PAK3: variants seen among roughly 807,000 people sequenced by gnomAD.
The protein encoded by PAK3 is p21 (RAC1) activated kinase 3, also known as serine/threonine-protein kinase PAK 3.
A neutral mutation model predicts 41.0 loss-of-function variants in PAK3; 4 were observed. That is an observed-to-expected ratio of 0.10 (90% CI 0.05 to 0.22). The LOEUF (loss-of-function observed/expected upper bound fraction) is 0.22. PAK3 is among the 10% of genes least tolerant of loss of function. PAK3 has a pLI of 1.00. For missense variants in PAK3, 205 were observed against 409.9 expected (o/e 0.50, Z 4.32); for synonymous variants, 146 against 139.6 (o/e 1.05, Z -0.32).
At chrX:111,184,021 T>C (rs1243523286) in intron 11 of PAK3, among the ~76,000 whole-genome samples, 2 of 111,682 alleles carry the variant, frequency 1.8e-5, no homozygotes, top group Non-Finnish European at 3.8e-5. Flanking sequence ...TGCTATGTTA[T>C]CATGGGCCTA....
At chrX:111,148,283 A>T (rs73264383) in intron 7 of PAK3, among the ~76,000 whole-genome samples, 4,053 of 111,798 alleles carry the variant, frequency 0.036, 74 homozygotes, top group African/African-American at 0.059. Context: ...TTACACCATG[A>T]TGACACAGCA....
At chrX:111,144,892 G>T (rs774856106) in intron 6 of PAK3, 1 of 1,144,170 alleles carries the variant, frequency 8.7e-7, no homozygotes, top group Non-Finnish European at 1.2e-6. Context: ...GACCTGTGAC[G>T]GTCGCTTCAA....
At chrX:110,947,979 A>G (rs1170707850) in intron 1 of PAK3, among the ~76,000 whole-genome samples, 1 of 112,284 alleles carries the variant, frequency 8.9e-6, no homozygotes, top group East Asian at 2.8e-4. Context: ...GAAAGGCTGT[A>G]TGTAAACTCA....
intron 1 of PAK3, among the ~76,000 whole-genome samples, chrX:111,086,746 A>C (rs903800103): frequency 1.8e-5 from 2 of 111,327 alleles, no homozygotes; most frequent in South Asian, 7.8e-4. Flanking sequence ...AAGCCTCACT[A>C]ATTCCCTGAA....
intron 1 of PAK3, among the ~76,000 whole-genome samples, chrX:111,007,040 C>T (rs936357875): frequency 7.3e-5 from 8 of 108,995 alleles, no homozygotes; most frequent in African/African-American, 2.7e-4. Flanking sequence ...AATAGACTCC[C>T]TGGTGATGCC....
chrX:111,001,230 A>G (rs2091842903), intron 1 of PAK3, among the ~76,000 whole-genome samples: 1 of 112,454 alleles, frequency 8.9e-6, no homozygotes, highest in Non-Finnish European at 1.9e-5. Context: ...AACAAAGGAC[A>G]TCAAATGGAA....
chrX:111,220,008 A>G (rs867542319), intron 17 of PAK3, among the ~76,000 whole-genome samples: 10 of 112,259 alleles, frequency 8.9e-5, no homozygotes, highest in African/African-American at 3.2e-4. Flanking sequence ...CATTGGTTTC[A>G]GGACAGAGTT....
chrX:110,960,251 T>A (rs1454997009), intron 1 of PAK3, among the ~76,000 whole-genome samples: 1 of 112,076 alleles, frequency 8.9e-6, no homozygotes, highest in Non-Finnish European at 1.9e-5. Context: ...CAGAAGCTCA[T>A]TATCAGGAAG....
chrX:110,969,347 G>A (rs185282259), intron 1 of PAK3, among the ~76,000 whole-genome samples: 22 of 103,856 alleles, frequency 2.1e-4, no homozygotes, highest in Admixed American at 2.0e-3. Context: ...GCAATGGCGC[G>A]ATCTCAGCTC....
chrX:111,101,698 C>A (rs1241706746), intron 3 of PAK3, among the ~76,000 whole-genome samples: 2 of 111,691 alleles, frequency 1.8e-5, no homozygotes, highest in African/African-American at 6.5e-5. Context: ...CACCCCTCTC[C>A]CCCTCACCCC....
At chrX:111,059,913 A>G (rs1297505022) in intron 1 of PAK3, among the ~76,000 whole-genome samples, 4 of 111,626 alleles carry the variant, frequency 3.6e-5, no homozygotes, top group African/African-American at 1.3e-4. Flanking sequence ...CAATCTGGAT[A>G]CCCTTTATTT....
intron 1 of PAK3, among the ~76,000 whole-genome samples, chrX:110,977,311 G>T (rs2091358104): frequency 1.8e-5 from 2 of 110,190 alleles, no homozygotes; most frequent in Admixed American, 9.7e-5. Context: ...TTTTAATATT[G>T]GGAAGTATTA....
chrX:111,147,257 AGGGTG>A (rs949389714), intron 6 of PAK3, among the ~76,000 whole-genome samples: 1 of 111,999 alleles, frequency 8.9e-6, no homozygotes, highest in Admixed American at 9.5e-5. Flanking sequence ...AACCTGACCA[AGGGTG>A]ATCCTTTCCT....
intron 1 of PAK3, among the ~76,000 whole-genome samples, chrX:111,007,779 A>C (rs2091954283): frequency 9.0e-6 from 1 of 111,626 alleles, no homozygotes; most frequent in Admixed American, 9.5e-5. Context: ...CCTGTTATTT[A>C]TATCTTCCTT....
At chrX:111,211,388 T>C (rs372071217) in intron 16 of PAK3, among the ~76,000 whole-genome samples, 2 of 111,082 alleles carry the variant, frequency 1.8e-5, no homozygotes, top group Non-Finnish European at 3.8e-5. Context: ...AATTTTCTGA[T>C]TGAAAAAGGT....
intron 1 of PAK3, among the ~76,000 whole-genome samples, chrX:111,055,751 C>A (rs1296484258): frequency 9.0e-6 from 1 of 111,671 alleles, no homozygotes; most frequent in African/African-American, 3.3e-5. Context: ...TGGCCTGAAA[C>A]AAACCCTAAC....
rs973929959 is a variant in PAK3, at chrX:111,222,158, T to A, written c.*1711T>A. The A allele has an allele frequency of 5.4e-5, 6 of 112,147 alleles. No homozygotes were observed. Among genetic ancestry groups the A allele is most frequent in the African/African-American group, 1.9e-4 (6 of 30,923 alleles). The allele number at this position is 112,147 out of a possible 1,213,427, so 9.2% of individuals were successfully genotyped here. ...CTTCTTAATTTGCAGTATAAAAGAATCTAAACAGAACTTATGTACATTCAG... is the reference window on the plus strand; with the variant it reads ...CTTCTTAATTTGCAGTATAAAAGAAACTAAACAGAACTTATGTACATTCAG... On this transcript the variant is annotated 3_prime_UTR_variant, in exon 18 of 18. Coordinates refer to ENST00000372007, the MANE Select transcript of PAK3 (RefSeq NM_002578.5).
intron 1 of PAK3, among the ~76,000 whole-genome samples, chrX:110,944,985 C>T (rs1196923454): frequency 8.9e-6 from 1 of 112,057 alleles, no homozygotes; most frequent in African/African-American, 3.2e-5. Flanking sequence ...ATGATCCAGC[C>T]GGGCACCTGG....
chrX:111,104,332 A>C (rs968908319), intron 4 of PAK3, among the ~76,000 whole-genome samples: 3 of 111,243 alleles, frequency 2.7e-5, no homozygotes, highest in Non-Finnish European at 3.8e-5. Context: ...AAAAAAAAAA[A>C]ACAGAAAAAC....
Sources: allele counts gnomAD v4.1 joint callset (sites outside exome capture counted in the v4.1 genomes callset), GRCh38; gene constraint gnomAD v4.1.1; transcripts MANE v1.5; gene names NCBI Gene and HGNC (gene_info 2026-07-23, HGNC 2026-07-21).